Variants in PTPRM observed in about 807,000 individuals in gnomAD.
The protein encoded by PTPRM is protein tyrosine phosphatase receptor type M.
A neutral mutation model predicts 186.7 loss-of-function variants in PTPRM; 47 were observed. The ratio of observed to expected loss-of-function variants is 0.25; its 90% CI spans 0.20 to 0.32. PTPRM has a LOEUF of 0.32. Ranked by LOEUF, PTPRM falls within the 10% of genes least tolerant of loss-of-function variation. The pLI is 1.00. For synonymous variants in PTPRM, 668 were observed against 674.9 expected (o/e 0.99, Z 0.16); for missense variants, 1,494 against 1,865.0 (o/e 0.80, Z 3.66).
Position 8,069,958 on chromosome 18 carries a change from G to A in PTPRM, c.1405G>A (p.Glu469Lys), listed in dbSNP as rs2148440189. The A allele has an allele frequency of 6.2e-7, 1 of 1,614,028 alleles. No homozygotes were observed. The highest frequency in any genetic ancestry group is 8.5e-7 in the Non-Finnish European group (1 of 1,179,930). Reference sequence around the variant, plus strand: ...CCTCATGAACCCAGAGGGCCGGAAGGAAAGCCAAGAACTCATAGTGCAGAC... The same window carrying A: ...CCTCATGAACCCAGAGGGCCGGAAGAAAAGCCAAGAACTCATAGTGCAGAC... ...LILMNPEGRK[E>K]SQELIVQTDE... The change falls in exon 8 of 33, where the codon GAA (glutamate) becomes AAA (lysine). Residue 469 changes from glutamate to lysine, a missense_variant. Glu to Lys is a moderately conservative substitution (Grantham distance 56). Coordinates refer to ENST00000580170, the MANE Select transcript of PTPRM (RefSeq NM_001105244.2).
intron 2 of PTPRM, among the ~76,000 whole-genome samples, chr18:7,870,128 T>C (rs1293786422): frequency 2.6e-5 from 4 of 152,234 alleles, no homozygotes; most frequent in African/African-American, 9.6e-5. Context: ...CAGGAAATTT[T>C]ACTGCTTTTA....
At chr18:7,864,111 G>A (rs1365689950) in intron 2 of PTPRM, among the ~76,000 whole-genome samples, 1 of 152,038 alleles carries the variant, frequency 6.6e-6, no homozygotes, top group African/African-American at 2.4e-5. Flanking sequence ...TTGTGAGATG[G>A]ACAGATTACA....
At chr18:7,810,897 A>T (rs2044476506) in intron 2 of PTPRM, among the ~76,000 whole-genome samples, 1 of 152,170 alleles carries the variant, frequency 6.6e-6, no homozygotes, top group African/African-American at 2.4e-5. Context: ...CATAGGCAGG[A>T]TTTTGAATTA....
intron 2 of PTPRM, among the ~76,000 whole-genome samples, chr18:7,789,327 AATG>A (rs150471424): frequency 6.6e-6 from 1 of 151,642 alleles, no homozygotes; most frequent in Admixed American, 6.6e-5. Flanking sequence ...CCTGTCTTTA[AATG>A]ATGATGATGA....
In PTPRM at chr18:8,143,884, G is replaced by C. The variant is rs2092820293; in HGVS notation, c.2300+105G>C. 2.2e-6 allele frequency: 3 copies of C among 1,387,710 alleles called. No homozygotes were observed. The South Asian group carries it at 3.7e-5, about 17-fold the overall frequency. The allele number at this position is 1,387,710 out of a possible 1,614,324, so 86.0% of individuals were successfully genotyped here. On this transcript the variant is annotated intron_variant, in intron 14 of 32. Transcript: ENST00000580170. ...TTACTGAACTGGCTTTGATAACCCA[G>C]ACACATCTGTGACTCTGTGATTGTT... is the stretch of plus-strand genomic sequence containing the variant.
At chr18:8,375,456 TAACA>T (rs34293092) in intron 24 of PTPRM, among the ~76,000 whole-genome samples, 3,814 of 152,252 alleles carry the variant, frequency 0.025, 64 homozygotes, top group African/African-American at 0.049. Flanking sequence ...AAGAGAAACC[TAACA>T]AACAGAGCTG....
At chr18:7,848,391 A>G (rs2046702447) in intron 2 of PTPRM, among the ~76,000 whole-genome samples, 1 of 152,236 alleles carries the variant, frequency 6.6e-6, no homozygotes, top group Non-Finnish European at 1.5e-5. Flanking sequence ...AGAATAGGCC[A>G]ACCCCAATAT....
Position 8,210,610 on chromosome 18 carries a change from A to G in PTPRM, c.2301-33448A>G, listed in dbSNP as rs574076121. 2.4e-4 allele frequency among the ~76,000 whole-genome samples: 37 copies of G among 152,310 alleles called. 1 individual carries two copies. The South Asian group carries it at 7.5e-3, about 31-fold the overall frequency. On this transcript the variant is annotated intron_variant, in intron 14 of 32. Transcript: ENST00000580170. ...GTACTTTTTACAGCAGCCCTAGGAA[A>G]TTAGCACAGAATCCAAGTGGGAAAG... is the stretch of plus-strand genomic sequence containing the variant.
intron 13 of PTPRM, among the ~76,000 whole-genome samples, chr18:8,138,890 C>T (rs1211701001): frequency 6.6e-6 from 1 of 152,164 alleles, no homozygotes; most frequent in Non-Finnish European, 1.5e-5. Flanking sequence ...TCTCTGGCTG[C>T]TCCGTGCGGA....
intron 19 of PTPRM, among the ~76,000 whole-genome samples, chr18:8,293,717 G>C (rs2095064858): frequency 1.3e-5 from 2 of 152,090 alleles, no homozygotes; most frequent in Non-Finnish European, 2.9e-5. Flanking sequence ...AAGAGTATCT[G>C]ACTTTAAAAT....
chr18:8,230,380 A>G (rs1166313707), intron 14 of PTPRM, among the ~76,000 whole-genome samples: 1 of 152,246 alleles, frequency 6.6e-6, no homozygotes, highest in Non-Finnish European at 1.5e-5. Flanking sequence ...GTCAACAGCT[A>G]TAAAGTCCAA....
chr18:7,957,194 T>C (rs928030703), intron 7 of PTPRM, among the ~76,000 whole-genome samples: 8 of 152,060 alleles, frequency 5.3e-5, no homozygotes, highest in African/African-American at 1.9e-4. Context: ...TTTTACACAT[T>C]TTTGCCTTTT....
At chr18:7,914,452 A>G (rs933440556) in intron 4 of PTPRM, among the ~76,000 whole-genome samples, 3 of 152,164 alleles carry the variant, frequency 2.0e-5, no homozygotes, top group Admixed American at 6.5e-5. Flanking sequence ...TTCTGCTTCT[A>G]TCACAGGAAT....
Position 7,567,509 on chromosome 18 carries a change from C to T in PTPRM, c.-310C>T. On this transcript the variant is annotated 5_prime_UTR_variant, in exon 1 of 33. Coordinates refer to ENST00000580170, the MANE Select transcript of PTPRM (RefSeq NM_001105244.2). The surrounding 1 kb of genome is among the most constrained non-coding windows in gnomAD (Gnocchi z 4.3). ...GTCCCGGGCAGGGGAAGGGGAGAGG[C>T]GGCGAGCTCAGCAACCGGAACCGAG... 1 of 266,384 alleles carries T rather than the reference C, an allele frequency of 3.8e-6. No homozygotes were observed. Among genetic ancestry groups the T allele is most frequent in the Non-Finnish European group, 7.0e-6 (1 of 143,318 alleles). 16.5% of individuals were successfully genotyped at this position (266,384 alleles called of 1,614,324 possible).
At chr18:8,097,921 G>A (rs960609682) in intron 11 of PTPRM, among the ~76,000 whole-genome samples, 24 of 152,172 alleles carry the variant, frequency 1.6e-4, no homozygotes, top group African/African-American at 5.6e-4. Context: ...AACAGACTGC[G>A]TATACAGCAG....
chr18:8,219,052 G>A (rs1049391211), intron 14 of PTPRM, among the ~76,000 whole-genome samples: 3 of 152,232 alleles, frequency 2.0e-5, no homozygotes, highest in Non-Finnish European at 2.9e-5. Flanking sequence ...CTTGCTTCCA[G>A]TGAAGGCATT....
intron 7 of PTPRM, among the ~76,000 whole-genome samples, chr18:8,032,156 CAT>C (rs1465329224): frequency 6.6e-6 from 1 of 152,108 alleles, no homozygotes; most frequent in East Asian, 1.9e-4. Context: ...TACAAAGTAA[CAT>C]ATGTAAAAAC....
intron 14 of PTPRM, among the ~76,000 whole-genome samples, chr18:8,239,042 T>C (rs1402753777): frequency 1.3e-5 from 2 of 150,308 alleles, no homozygotes; most frequent in East Asian, 3.9e-4. Flanking sequence ...ATGTGCACAA[T>C]GTGCAGGTTA....
At chr18:8,280,834 T>C (rs955256544) in intron 19 of PTPRM, among the ~76,000 whole-genome samples, 4 of 152,160 alleles carry the variant, frequency 2.6e-5, no homozygotes, top group African/African-American at 9.7e-5. Flanking sequence ...CCTGCCTGCT[T>C]TGTGCCCAGC....
Sources: gnomAD v4.1 joint callset for allele counts (sites outside exome capture counted in the v4.1 genomes callset) on GRCh38, gnomAD v4.1.1 for gene constraint, Gnocchi (gnomAD v3.1) non-coding constraint, MANE v1.5 for transcripts, NCBI Gene and HGNC (gene_info 2026-07-23, HGNC 2026-07-21) for gene names.